CERKL: variants seen among roughly 807,000 people sequenced by gnomAD.
CERKL encodes ceramide kinase-like protein.
In CERKL, 61 loss-of-function variants were observed where a neutral mutation model predicts 63.4. That is an observed-to-expected ratio of 0.96 (90% confidence interval 0.78 to 1.19). CERKL has a LOEUF of 1.19. CERKL is among the 50% of genes most tolerant of loss of function. The probability of loss-of-function intolerance (pLI) is 0.00; values close to 1 mark genes in which losing one functional copy is unlikely to be tolerated. For missense variants in CERKL, 675 were observed against 655.5 expected, an observed-to-expected ratio of 1.03 and a Z score of -0.33; for synonymous variants, 250 against 230.5, an observed-to-expected ratio of 1.08 and a Z score of -0.77.
chr2:181,603,824 G>A lies in CERKL; in HGVS notation c.481+13C>T, dbSNP rs372496021. The A allele has an allele frequency of 1.2e-6, 2 of 1,612,446 alleles. No homozygotes were observed. Among genetic ancestry groups the A allele is most frequent in the African/African-American group, 2.7e-5 (2 of 74,864 alleles). ...AACTGGGCTGATTAAAATTTCCCAT[G>A]AGGAGTACTTACCTGCCAATATTTT... is the stretch of plus-strand genomic sequence containing the variant. On this transcript the variant is annotated intron_variant, in intron 2 of 12. Coordinates refer to ENST00000410087, the MANE Select transcript of CERKL (RefSeq NM_201548.5).
In CERKL at chr2:181,537,603, ATAGGAAAT is replaced by A; in HGVS notation, c.*573_*580del. The A allele has an allele frequency of 2.3e-6, 1 of 430,636 alleles. No individual in the cohort carries two copies. Among genetic ancestry groups the A allele is most frequent in the South Asian group, 1.7e-5 (1 of 59,142 alleles). 26.7% of individuals were successfully genotyped at this position (430,636 alleles called of 1,614,324 possible). On this transcript the variant is annotated 3_prime_UTR_variant, in exon 13 of 13. Transcript: ENST00000410087. The stretch of plus-strand genomic sequence containing the variant: ...ATCTGTATTATATTTGTAACAGAAT[ATAGGAAAT>A]TTAACATAATTGATGAGCTCAAATC...
chr2:181,561,407 C>T (rs1409934668), intron 4 of CERKL, among the ~76,000 whole-genome samples: 1 of 111,948 alleles, frequency 8.9e-6, no homozygotes, highest in Non-Finnish European at 1.8e-5. Context: ...GAGAATTTAT[C>T]TCAAAAAAAA....
At chr2:181,562,144 TAACTC>T (rs950090001) in intron 4 of CERKL, among the ~76,000 whole-genome samples, 6 of 152,124 alleles carry the variant, frequency 3.9e-5, no homozygotes, top group African/African-American at 1.4e-4. Context: ...CCATTTATCT[TAACTC>T]AAGCATTTCT....
At chr2:181,570,586 G>A (rs964686498) in intron 3 of CERKL, among the ~76,000 whole-genome samples, 13 of 152,140 alleles carry the variant, frequency 8.5e-5, no homozygotes, top group Admixed American at 2.0e-4. Context: ...TTTTTCTGAT[G>A]CTATTAGATA....
intron 2 of CERKL, among the ~76,000 whole-genome samples, chr2:181,598,429 A>C (rs1486778560): frequency 1.3e-5 from 2 of 152,174 alleles, no homozygotes; most frequent in Non-Finnish European, 2.9e-5. Context: ...ACATTCCTGC[A>C]TGAGGAGCTA....
chr2:181,656,904 A>G lies in CERKL; in HGVS notation c.103T>C (p.Ser35Pro). ...AAAVPPALLT[S>P]PQQTEAAAER... ...GCCGCCGCCTCCGTCTGCTGCGGGG[A>G]CGTTAACAGCGCCGGAGGCACAGCG... Residue 35 changes from serine to proline, a missense_variant, in exon 1 of 13, where the codon TCC becomes CCC. Physicochemically the swap from Ser to Pro is moderately conservative, Grantham distance 74. Transcript: ENST00000410087. 6.2e-7 allele frequency: 1 copy of G among 1,603,862 alleles called. No individual in the cohort carries two copies. The highest frequency in any genetic ancestry group is 8.5e-7 in the Non-Finnish European group (1 of 1,174,672).
chr2:181,574,883 G>C (rs1440007985), intron 2 of CERKL, among the ~76,000 whole-genome samples: 1 of 152,056 alleles, frequency 6.6e-6, no homozygotes, highest in Non-Finnish European at 1.5e-5. Context: ...ATTTCAACAG[G>C]ACATACTGTT....
chr2:181,579,004 A>C (rs1294006726), intron 2 of CERKL, among the ~76,000 whole-genome samples: 4 of 152,034 alleles, frequency 2.6e-5, no homozygotes, highest in African/African-American at 9.7e-5. Context: ...CAGAAACAGC[A>C]GAGTTGCGAC....
At chr2:181,601,174 C>T (rs1685444258) in intron 2 of CERKL, among the ~76,000 whole-genome samples, 1 of 152,190 alleles carries the variant, frequency 6.6e-6, no homozygotes, top group Non-Finnish European at 1.5e-5. Flanking sequence ...ACCAAAACCC[C>T]TGGGATAGGC....
intron 1 of CERKL, among the ~76,000 whole-genome samples, chr2:181,644,426 A>G (rs1288866177): frequency 6.6e-6 from 1 of 152,266 alleles, no homozygotes; most frequent in Non-Finnish European, 1.5e-5. Flanking sequence ...ATAATTTAAG[A>G]TTGTAATAGA....
intron 1 of CERKL, among the ~76,000 whole-genome samples, chr2:181,622,665 T>C (rs1293094486): frequency 6.6e-6 from 1 of 152,242 alleles, no homozygotes; most frequent in Non-Finnish European, 1.5e-5. Context: ...GTAGATCACA[T>C]GTCATCTTTT....
chr2:181,615,946 T>C (rs1686174624), intron 1 of CERKL, among the ~76,000 whole-genome samples: 1 of 152,128 alleles, frequency 6.6e-6, no homozygotes, highest in Non-Finnish European at 1.5e-5. Context: ...GTAGGCTTCT[T>C]ATCTAGTAAA....
In CERKL at chr2:181,606,149, A is replaced by T. The variant is rs139756790; in HGVS notation, c.239-2070T>A. ...CAGAGAGAAGGGGACAAGGAGAAGG[A>T]GACAGACGGAGAGGAGGGAAGACAG... On this transcript the variant is annotated intron_variant, in intron 1 of 12. Coordinates refer to ENST00000410087, the MANE Select transcript of CERKL (RefSeq NM_201548.5). 8.0e-5 allele frequency among the ~76,000 whole-genome samples: 12 copies of T among 149,700 alleles called. No individual in the cohort carries two copies. In the East Asian group the frequency reaches 1.8e-3, roughly 22 times the overall value.
intron 11 of CERKL, among the ~76,000 whole-genome samples, chr2:181,540,294 GC>G (rs1382720776): frequency 6.6e-6 from 1 of 152,184 alleles, no homozygotes; most frequent in Non-Finnish European, 1.5e-5. Flanking sequence ...TTGGCTACAT[GC>G]CTCATCCTTG....
intron 1 of CERKL, among the ~76,000 whole-genome samples, chr2:181,642,166 A>C (rs1006749425): frequency 3.9e-5 from 6 of 152,194 alleles, no homozygotes; most frequent in African/African-American, 1.4e-4. Context: ...TAGACTGATG[A>C]ATCAAAGCAT....
chr2:181,603,068 T>C lies in CERKL; in HGVS notation c.481+769A>G, dbSNP rs372907058. The C allele has an allele frequency of 5.0e-5, 12 of 239,556 alleles. No individual in the cohort carries two copies. In the East Asian group the frequency reaches 1.0e-3, roughly 21 times the overall value. The allele number at this position is 239,556 out of a possible 1,614,324, so 14.8% of individuals were successfully genotyped here. On this transcript the variant is annotated intron_variant, in intron 2 of 12. Transcript: ENST00000410087. ...CAGATACACTGAATTCATTAAGAGA[T>C]ATATCCTAATAAACATGTTCTCTTT...
chr2:181,617,210 A>G (rs932421917), intron 1 of CERKL: 2 of 152,256 alleles, frequency 1.3e-5, no homozygotes, highest in Non-Finnish European at 2.9e-5. Context: ...CCTTGAGTAT[A>G]TTTTTAAAAA....
chr2:181,554,164 CAAAAA>C (rs36086391), intron 5 of CERKL, among the ~76,000 whole-genome samples: 3 of 94,226 alleles, frequency 3.2e-5, no homozygotes, highest in Admixed American at 1.2e-4. Flanking sequence ...ACTATGGAGG[CAAAAA>C]AAAAAAAAAA....
rs35040208 is a variant in CERKL, at chr2:181,616,206, ATTTTTTTTT to A, written c.239-12136_239-12128del. Among the ~76,000 whole-genome samples the A allele has an allele frequency of 3.6e-5, 4 of 110,056 alleles. No homozygotes were observed. The East Asian group carries it at 8.3e-4, about 23-fold the overall frequency. 72.2% of individuals were successfully genotyped at this position (110,056 alleles called of 152,430 possible). A position where few individuals can be genotyped will look rare whatever the true frequency, so the allele number is the denominator to read the frequency against. ...ATCAATGAAACAGTCAAAAATCTAA[ATTTTTTTTT>A]TTTTTTTTTTTTTTTTAAGACAGAG... On this transcript the variant is annotated intron_variant, in intron 1 of 12. Coordinates refer to ENST00000410087, the MANE Select transcript of CERKL (RefSeq NM_201548.5).
Sources: allele counts gnomAD v4.1 joint callset (sites outside exome capture counted in the v4.1 genomes callset), GRCh38; gene constraint gnomAD v4.1.1; transcripts MANE v1.5; gene names NCBI Gene and HGNC (gene_info 2026-07-23, HGNC 2026-07-21).